The following ADAMTS3 variants were observed in gnomAD, a reference collection of about 807,000 sequenced individuals.
ADAMTS3 encodes A disintegrin and metalloproteinase with thrombospondin motifs 3.
Under a neutral mutation model 129.0 loss-of-function variants are expected in ADAMTS3, and 73 were observed. The observed-to-expected ratio is 0.57, with a 90% CI of 0.47 to 0.69. ADAMTS3 has a LOEUF of 0.69. Among genes scored for constraint, ADAMTS3 ranks in the 30% least tolerant of loss-of-function variants. The pLI is 0.00. For missense variants in ADAMTS3, 1,457 were observed against 1,514.5 expected (o/e 0.96, Z 0.63); for synonymous variants, 477 against 510.8 (o/e 0.93, Z 0.89).
chr4:72,388,095 G>A lies in ADAMTS3; in HGVS notation c.661+26720C>T, dbSNP rs78546951. On this transcript the variant is annotated intron_variant, in intron 4 of 21. Coordinates refer to ENST00000286657, the MANE Select transcript of ADAMTS3 (RefSeq NM_014243.3). ...TTAAAAACTCTTCCATTAGCATAAG[G>A]TAAAAATAGGGATTCTTCTCAACCA... 9.3e-3 allele frequency among the ~76,000 whole-genome samples: 1,423 copies of A among 152,270 alleles called. 18 individuals carry two copies. The highest frequency in any genetic ancestry group is 0.033 in the African/African-American group (1,365 of 41,556).
At chr4:72,396,783 CAAAG>C (rs1285807278) in intron 4 of ADAMTS3, among the ~76,000 whole-genome samples, 1 of 152,128 alleles carries the variant, frequency 6.6e-6, no homozygotes, top group East Asian at 1.9e-4. Context: ...ATATATAAAA[CAAAG>C]AACCCTTATT....
chr4:72,455,387 C>T (rs1334207786), intron 3 of ADAMTS3, among the ~76,000 whole-genome samples: 1 of 151,460 alleles, frequency 6.6e-6, no homozygotes, highest in East Asian at 2.0e-4. Flanking sequence ...GAAAACCAAA[C>T]ACCACATGTT....
At chr4:72,549,976 AGAAGAAGAAGAAGAAGAG>A (rs1721576687) in intron 2 of ADAMTS3, among the ~76,000 whole-genome samples, 3 of 29,868 alleles carry the variant, frequency 1.0e-4, no homozygotes, top group East Asian at 7.7e-4. Context: ...AAGAAGAAGA[AGAAGAAGAAGAAGAAGAG>A]GAAGAGGAAG....
At chr4:72,454,932 A>G (rs1209878325) in intron 3 of ADAMTS3, among the ~76,000 whole-genome samples, 4 of 151,740 alleles carry the variant, frequency 2.6e-5, no homozygotes, top group Non-Finnish European at 5.9e-5. Context: ...ATTCAACATC[A>G]TAATGAACAA....
chr4:72,441,693 C>T (rs1038134732), intron 3 of ADAMTS3: 7 of 151,880 alleles, frequency 4.6e-5, no homozygotes, highest in Admixed American at 3.9e-4. Flanking sequence ...CAAGGCTGCA[C>T]ATTTGTCATG....
intron 3 of ADAMTS3, among the ~76,000 whole-genome samples, chr4:72,530,450 TATTA>T (rs1420568303): frequency 2.0e-5 from 1 of 50,502 alleles, no homozygotes; most frequent in Non-Finnish European, 3.3e-5. Flanking sequence ...ATTTAATATA[TATTA>T]TATATTAAAT....
intron 4 of ADAMTS3, among the ~76,000 whole-genome samples, chr4:72,355,139 C>T (rs1224892865): frequency 6.6e-6 from 1 of 150,794 alleles, no homozygotes; most frequent in African/African-American, 2.5e-5. Context: ...TTATAGTCTA[C>T]TCATTTTTTT....
chr4:72,455,833 A>T (rs1718540539), intron 3 of ADAMTS3, among the ~76,000 whole-genome samples: 1 of 125,560 alleles, frequency 8.0e-6, no homozygotes. Flanking sequence ...TAGTATATAC[A>T]GTGTATATAC....
intron 4 of ADAMTS3, among the ~76,000 whole-genome samples, chr4:72,378,700 T>C (rs898047831): frequency 6.6e-6 from 1 of 152,076 alleles, no homozygotes; most frequent in Admixed American, 6.6e-5. Context: ...ATTCCCATTA[T>C]CTTATCTTTC....
chr4:72,462,346 G>A (rs148315668), intron 3 of ADAMTS3, among the ~76,000 whole-genome samples: 4 of 152,002 alleles, frequency 2.6e-5, no homozygotes, highest in African/African-American at 7.2e-5. Context: ...TACTTGCTTC[G>A]TTTTTGTGCT....
intron 19 of ADAMTS3, among the ~76,000 whole-genome samples, 173 bp downstream of exon 19, chr4:72,295,481 T>C (rs1411906403): frequency 6.6e-6 from 1 of 152,054 alleles, no homozygotes; most frequent in Non-Finnish European, 1.5e-5. Flanking sequence ...GGAACAAGAA[T>C]GTGGTGAAAG....
intron 12 of ADAMTS3, among the ~76,000 whole-genome samples, 164 bp from the exon 13 acceptor site, chr4:72,312,630 C>G (rs1719273526): frequency 6.6e-6 from 1 of 152,124 alleles, no homozygotes; most frequent in Admixed American, 6.6e-5. Context: ...GCACCCTTCT[C>G]TCCCTGCTGG....
At chr4:72,307,458 C>T (rs985270265) in intron 15 of ADAMTS3, among the ~76,000 whole-genome samples, 9 of 152,000 alleles carry the variant, frequency 5.9e-5, no homozygotes, top group Admixed American at 1.3e-4. Context: ...AGAAATATTA[C>T]GAGCTCCTTT....
rs34598767 is a variant in ADAMTS3, at chr4:72,549,950, TA to T, written c.98-1067del. Among the ~76,000 whole-genome samples the T allele has an allele frequency of 2.2e-3, 28 of 12,646 alleles. 2 individuals carry two copies. The highest frequency in any genetic ancestry group is 5.5e-3 in the African/African-American group (11 of 1,990). The allele number at this position is 12,646 out of a possible 152,430, so 8.3% of individuals were successfully genotyped here. On this transcript the variant is annotated intron_variant, in intron 2 of 21. Coordinates refer to ENST00000286657, the MANE Select transcript of ADAMTS3 (RefSeq NM_014243.3). ...GAAACAAGCAGCAGGGCAACAAGGG[TA>T]AAAAAAAAAAAAAGAAGAAGAAGAA...
At chr4:72,337,791 G>T (rs547517201) in intron 5 of ADAMTS3, among the ~76,000 whole-genome samples, 147 of 152,084 alleles carry the variant, frequency 9.7e-4, no homozygotes, top group African/African-American at 3.2e-3. Context: ...TATTGTTTAC[G>T]TTTTTTCCTT....
At chr4:72,552,914 A>G (rs1278191360) in intron 2 of ADAMTS3, among the ~76,000 whole-genome samples, 1 of 152,168 alleles carries the variant, frequency 6.6e-6, no homozygotes, top group Non-Finnish European at 1.5e-5. Flanking sequence ...TTATGTGTTT[A>G]TTTATATATT....
chr4:72,426,066 G>A (rs1431633731), intron 3 of ADAMTS3, among the ~76,000 whole-genome samples: 1 of 152,126 alleles, frequency 6.6e-6, no homozygotes, highest in Non-Finnish European at 1.5e-5. Context: ...GTTTTGATTT[G>A]CATTTCTCTG....
chr4:72,534,415 G>C (rs1721136925), intron 3 of ADAMTS3, among the ~76,000 whole-genome samples: 1 of 152,062 alleles, frequency 6.6e-6, no homozygotes, highest in Non-Finnish European at 1.5e-5. Context: ...TAGCTCCCTA[G>C]ATCTTAAGGG....
At chr4:72,467,812 T>A (rs1442061600) in intron 3 of ADAMTS3, among the ~76,000 whole-genome samples, 1 of 152,082 alleles carries the variant, frequency 6.6e-6, no homozygotes, top group African/African-American at 2.4e-5. Context: ...CTAACTTGTA[T>A]AGCACTCCCC....
Sources: gnomAD v4.1 joint callset for allele counts (sites outside exome capture counted in the v4.1 genomes callset) on GRCh38, gnomAD v4.1.1 for gene constraint, MANE v1.5 for transcripts, NCBI Gene and HGNC (gene_info 2026-07-23, HGNC 2026-07-21) for gene names.